KIAA1755: variants seen among roughly 807,000 people sequenced by gnomAD.
KIAA1755 encodes the protein KIAA1755, also known as uncharacterized protein KIAA1755.
A neutral mutation model predicts 91.7 loss-of-function variants in KIAA1755; 68 were observed. The observed-to-expected ratio is 0.74, with a 90% CI of 0.61 to 0.91. The LOEUF is 0.91. Among genes scored for constraint, KIAA1755 ranks in the 40% least tolerant of loss-of-function variants. KIAA1755 has a pLI of 0.00. For missense variants in KIAA1755, 1,535 were observed against 1,494.4 expected, an observed-to-expected ratio of 1.03 and a Z score of -0.45; for synonymous variants, 610 against 604.6, an observed-to-expected ratio of 1.01 and a Z score of -0.13.
chr20:38,227,097 G>A (rs2075770098), intron 7 of KIAA1755, 57 bp downstream of exon 7: 3 of 1,334,134 alleles, frequency 2.2e-6, no homozygotes, highest in Admixed American at 3.6e-5. Flanking sequence ...CTTAACCCCA[G>A]CTCAGCTCGA....
intron 2 of KIAA1755, among the ~76,000 whole-genome samples, chr20:38,242,311 A>C (rs1027838309): frequency 6.6e-6 from 1 of 152,224 alleles, no homozygotes; most frequent in Non-Finnish European, 1.5e-5. Flanking sequence ...TGGTTTAGAC[A>C]AACGTCTATG....
intron 4 of KIAA1755, among the ~76,000 whole-genome samples, chr20:38,235,871 C>T (rs936083067): frequency 2.0e-5 from 3 of 152,230 alleles, no homozygotes; most frequent in African/African-American, 7.2e-5. Flanking sequence ...AGTTTCTTTC[C>T]TGAGAACAGA....
At chr20:38,243,198 G>T (rs1236481286) in intron 2 of KIAA1755, among the ~76,000 whole-genome samples, 2 of 152,252 alleles carry the variant, frequency 1.3e-5, no homozygotes, top group African/African-American at 2.4e-5. Context: ...GAGATGTACA[G>T]AGAGTGAGAC....
intron 5 of KIAA1755, among the ~76,000 whole-genome samples, chr20:38,229,615 CCAA>C (rs2075825049): frequency 6.6e-6 from 1 of 152,192 alleles, no homozygotes; most frequent in South Asian, 2.1e-4. Flanking sequence ...AGGGGCCCAG[CCAA>C]TGTTCATTCA....
At chr20:38,215,533 G>A (rs1048929142) in intron 13 of KIAA1755, among the ~76,000 whole-genome samples, 3 of 152,336 alleles carry the variant, frequency 2.0e-5, no homozygotes, top group South Asian at 2.1e-4. Flanking sequence ...ACCCAGAAGC[G>A]ACAAAACAGG....
chr20:38,239,043 A>G (rs560768447), intron 4 of KIAA1755, among the ~76,000 whole-genome samples: 9 of 152,176 alleles, frequency 5.9e-5, no homozygotes, highest in Non-Finnish European at 7.3e-5. Flanking sequence ...GCCCACAGTT[A>G]ATGACTGACA....
chr20:38,228,099 G>A, intron 6 of KIAA1755, 48 bp downstream of exon 6: 1 of 1,434,520 alleles, frequency 7.0e-7, no homozygotes, highest in Non-Finnish European at 9.5e-7. Flanking sequence ...GGAGGCCCCT[G>A]GTGGCTCCCA....
At chr20:38,245,562 G>T (rs1444843307) in intron 2 of KIAA1755, among the ~76,000 whole-genome samples, 1 of 152,238 alleles carries the variant, frequency 6.6e-6, no homozygotes, top group African/African-American at 2.4e-5. Flanking sequence ...GAAGCTCTAG[G>T]ACCTTCTCTG....
intron 1 of KIAA1755, 63 bp from the exon 2 acceptor site, chr20:38,246,189 G>T: frequency 7.1e-7 from 1 of 1,414,692 alleles, no homozygotes; most frequent in Non-Finnish European, 9.7e-7. Flanking sequence ...ACCACTTCCC[G>T]TGACCTTCCA....
At chr20:38,249,392 A>G (rs996840131) in intron 1 of KIAA1755, among the ~76,000 whole-genome samples, 12 of 152,232 alleles carry the variant, frequency 7.9e-5, no homozygotes, top group African/African-American at 2.9e-4. Flanking sequence ...AAGGAGGGAA[A>G]AATCATTTTA....
chr20:38,241,779 A>C lies in KIAA1755; in HGVS notation c.352T>G (p.Cys118Gly). ...QVEPQEEQSVCIMIKCLSLDL... is the reference protein window; with the variant it reads ...QVEPQEEQSVGIMIKCLSLDL... ...AGGGAGAGGCATTTGATCATGATGC[A>C]GACAGACTGCTCCTCCTGGGGCTCC... The change falls in exon 3 of 14, where the codon TGC (cysteine) becomes GGC (glycine). Residue 118 changes from cysteine (C) to glycine (G), a missense_variant. By Grantham distance (159) the Cys-to-Gly change is radical (BLOSUM62 -3). Coordinates refer to ENST00000279024, the MANE Select transcript of KIAA1755 (RefSeq NM_001029864.2). 1.3e-5 allele frequency: 21 copies of C among 1,614,190 alleles called. No individual in the cohort carries two copies. The highest frequency in any genetic ancestry group is 1.3e-5 in the Non-Finnish European group (15 of 1,180,034).
intron 8 of KIAA1755, 74 bp from the exon 9 acceptor site, chr20:38,223,710 A>G: frequency 8.0e-6 from 9 of 1,130,946 alleles, no homozygotes; most frequent in Middle Eastern, 2.3e-4. Context: ...TCTCAGGAGC[A>G]CAGAGGGGAG....
intron 5 of KIAA1755, among the ~76,000 whole-genome samples, chr20:38,229,328 G>T (rs140419790): frequency 4.2e-4 from 64 of 152,344 alleles, no homozygotes; most frequent in African/African-American, 1.5e-3. Flanking sequence ...CTCAGTGACT[G>T]CACAGAGTAA....
chr20:38,252,106 C>T (rs79562769), intron 1 of KIAA1755, among the ~76,000 whole-genome samples: 18,385 of 152,128 alleles, frequency 0.12, 1,388 homozygotes, highest in African/African-American at 0.21. Context: ...CCTCAGTTTC[C>T]CCTTCTGCAC....
rs985908084 is a variant in KIAA1755, at chr20:38,211,166, G to A, written c.*1876C>T. 3.3e-5 allele frequency: 5 copies of A among 152,238 alleles called. No homozygotes were observed. The highest frequency in any genetic ancestry group is 7.3e-5 in the Non-Finnish European group (5 of 68,060). 9.4% of individuals were successfully genotyped at this position (152,238 alleles called of 1,614,324 possible). A position where few individuals can be genotyped will look rare whatever the true frequency, so the allele number is the denominator to read the frequency against. On this transcript the variant is annotated 3_prime_UTR_variant, in exon 14 of 14. Transcript: ENST00000279024. ...AGGCAGGCCCTAGACCACACCTGGG[G>A]AAGTCTTCAGTCTTGGAAGATTCCT...
Position 38,246,063 on chromosome 20 carries a change from C to T in KIAA1755, c.67G>A (p.Ala23Thr). ...ALAGLYPPFE[A>T]TAPTVLGQVF... The stretch of plus-strand genomic sequence containing the variant: ...TGACCCAGGACGGTGGGTGCTGTGG[C>T]CTCGAAAGGAGGATAGAGGCCCGCC... The change falls in exon 2 of 14, where the codon GCC (alanine) becomes ACC (threonine). Residue 23 changes from alanine to threonine, a missense_variant. Coordinates refer to ENST00000279024, the MANE Select transcript of KIAA1755 (RefSeq NM_001029864.2). 1 of 1,614,104 alleles carries T rather than the reference C, an allele frequency of 6.2e-7. No individual in the cohort carries two copies. Among genetic ancestry groups the T allele is most frequent in the Middle Eastern group, 1.7e-4 (1 of 6,054 alleles).
intron 1 of KIAA1755, among the ~76,000 whole-genome samples, chr20:38,252,615 G>A (rs1490410992): frequency 6.6e-6 from 1 of 152,152 alleles, no homozygotes; most frequent in African/African-American, 2.4e-5. Context: ...TGTGGGGACT[G>A]ACGATCCCAG....
chr20:38,229,225 G>A (rs546306403), intron 5 of KIAA1755, among the ~76,000 whole-genome samples: 1 of 152,324 alleles, frequency 6.6e-6, no homozygotes, highest in South Asian at 2.1e-4. Flanking sequence ...TGTGGTCTGG[G>A]CAAGTTATTT....
intron 1 of KIAA1755, among the ~76,000 whole-genome samples, chr20:38,250,027 T>C (rs2076220828): frequency 6.6e-6 from 1 of 152,262 alleles, no homozygotes; most frequent in Admixed American, 6.5e-5. Flanking sequence ...CATATTGAGC[T>C]GGGCTAAGCT....
Sources: allele counts gnomAD v4.1 joint callset (sites outside exome capture counted in the v4.1 genomes callset), GRCh38; gene constraint gnomAD v4.1.1; transcripts MANE v1.5; gene names NCBI Gene and HGNC (gene_info 2026-07-23, HGNC 2026-07-21).